DLG2: variants seen among roughly 807,000 people sequenced by gnomAD.
The protein encoded by DLG2 is disks large homolog 2.
In DLG2, 45 loss-of-function variants were observed where a neutral mutation model predicts 132.5. That is an observed-to-expected ratio of 0.34 (90% CI 0.27 to 0.44). The LOEUF (loss-of-function observed/expected upper bound fraction) is 0.44, where lower values mean the gene tolerates loss of function less well. DLG2 is among the 20% of genes least tolerant of loss of function. The pLI, the probability that DLG2 is intolerant of heterozygous loss-of-function variation, is 1.00. For synonymous variants in DLG2, 424 were observed against 419.6 expected (o/e 1.01, Z -0.13); for missense variants, 1,045 against 1,196.9 (o/e 0.87, Z 1.87).
rs1258433433 is a variant in DLG2, at chr11:85,214,204, C to T, written c.187-59553G>A. Among the ~76,000 whole-genome samples, 4 of 152,146 alleles carry T rather than the reference C, an allele frequency of 2.6e-5. No homozygotes were observed. In the South Asian group the frequency reaches 6.2e-4, roughly 24 times the overall value. ...TCTACGGTCTACCCTCTCCTTTCAG[C>T]TGCTACTTTTTTCTCTATAGCTCAA... On this transcript the variant is annotated intron_variant, in intron 4 of 27. Coordinates refer to ENST00000376104, the MANE Select transcript of DLG2 (RefSeq NM_001142699.3).
chr11:85,406,866 G>C (rs879576447), intron 3 of DLG2, among the ~76,000 whole-genome samples: 2 of 151,766 alleles, frequency 1.3e-5, no homozygotes, highest in African/African-American at 4.8e-5. Flanking sequence ...AATAAAGGAA[G>C]GAAATGAAAA....
intron 6 of DLG2, among the ~76,000 whole-genome samples, chr11:84,889,482 C>T (rs901674237): frequency 2.0e-5 from 3 of 151,960 alleles, no homozygotes; most frequent in African/African-American, 7.2e-5. Context: ...GTCAGTATTC[C>T]TACAAACAAC....
At chr11:83,483,530 G>T (rs2093293929) in intron 22 of DLG2, among the ~76,000 whole-genome samples, 1 of 151,960 alleles carries the variant, frequency 6.6e-6, no homozygotes, top group Non-Finnish European at 1.5e-5. Flanking sequence ...ACAAAAGATT[G>T]TAAGAAAAAA....
intron 2 of DLG2, among the ~76,000 whole-genome samples, chr11:85,602,433 T>A (rs997724303): frequency 2.8e-4 from 43 of 152,198 alleles, no homozygotes; most frequent in Admixed American, 8.5e-4. Context: ...GTTTTGTTTT[T>A]TGTTTTCTTT....
intron 20 of DLG2, among the ~76,000 whole-genome samples, chr11:83,538,477 T>A (rs1337957788): frequency 6.6e-6 from 1 of 152,214 alleles, no homozygotes; most frequent in Non-Finnish European, 1.5e-5. Flanking sequence ...ATTATCTGAC[T>A]TTCTATTTCC....
At chr11:85,514,140 A>T (rs750066026) in intron 3 of DLG2, among the ~76,000 whole-genome samples, 3 of 151,992 alleles carry the variant, frequency 2.0e-5, no homozygotes, top group Non-Finnish European at 4.4e-5. Context: ...AATTATAGGT[A>T]TCATTTCCTG....
intron 7 of DLG2, among the ~76,000 whole-genome samples, chr11:84,419,523 A>G (rs2098941316): frequency 6.6e-6 from 1 of 152,222 alleles, no homozygotes; most frequent in South Asian, 2.1e-4. Context: ...AAGCCCTTCC[A>G]TTAAAAACAC....
chr11:84,626,371 A>G (rs2099622534), intron 6 of DLG2, among the ~76,000 whole-genome samples: 1 of 152,144 alleles, frequency 6.6e-6, no homozygotes, highest in African/African-American at 2.4e-5. Context: ...GAGGGAAGCC[A>G]TGGGTAGCTT....
intron 8 of DLG2, chr11:84,166,752 A>C: frequency 2.9e-6 from 1 of 346,246 alleles, no homozygotes; most frequent in Non-Finnish European, 5.8e-6. Context: ...CTCACTCAGC[A>C]AAACCAAAAC....
Position 85,282,235 on chromosome 11 carries a change from A to G in DLG2, c.186+2985T>C, listed in dbSNP as rs187380980. Among the ~76,000 whole-genome samples, 4 of 151,918 alleles carry G rather than the reference A, an allele frequency of 2.6e-5. No homozygotes were observed. In the East Asian group the frequency reaches 7.7e-4, roughly 29 times the overall value. ...GGTAATGGGCAGGGGAGAATAAAGAAGAGATGGATAATGGGTACAAAAATA... is the reference window on the plus strand; with the variant it reads ...GGTAATGGGCAGGGGAGAATAAAGAGGAGATGGATAATGGGTACAAAAATA... On this transcript the variant is annotated intron_variant, in intron 4 of 27. Coordinates refer to ENST00000376104, the MANE Select transcript of DLG2 (RefSeq NM_001142699.3).
chr11:83,719,653 G>A (rs923627510), intron 18 of DLG2, among the ~76,000 whole-genome samples: 2 of 152,104 alleles, frequency 1.3e-5, no homozygotes, highest in African/African-American at 2.4e-5. Flanking sequence ...CCCAGGGAGG[G>A]CATTAATCTA....
intron 18 of DLG2, among the ~76,000 whole-genome samples, chr11:83,689,087 C>T (rs982773293): frequency 6.6e-6 from 1 of 152,126 alleles, no homozygotes. Context: ...TAGCTAACTA[C>T]ACAGCTGCAT....
chr11:85,521,951 C>T (rs961970502), intron 3 of DLG2, among the ~76,000 whole-genome samples: 4 of 152,028 alleles, frequency 2.6e-5, no homozygotes, highest in Non-Finnish European at 5.9e-5. Context: ...AAAAAAAATT[C>T]TGGGGAGAAA....
intron 7 of DLG2, among the ~76,000 whole-genome samples, chr11:84,421,893 T>C (rs1386328001): frequency 6.6e-6 from 1 of 152,202 alleles, no homozygotes; most frequent in African/African-American, 2.4e-5. Flanking sequence ...AAACTTCTTA[T>C]GTTAAGTATT....
At chr11:84,987,277 G>A (rs1039365442) in intron 6 of DLG2, among the ~76,000 whole-genome samples, 9 of 151,968 alleles carry the variant, frequency 5.9e-5, no homozygotes, top group Admixed American at 5.9e-4. Flanking sequence ...ACCAACAAAT[G>A]GAAACACATC....
chr11:84,385,617 G>C (rs1045854502), intron 7 of DLG2, among the ~76,000 whole-genome samples: 7 of 152,008 alleles, frequency 4.6e-5, no homozygotes, highest in Admixed American at 3.3e-4. Flanking sequence ...AGAGAACCAG[G>C]ACCCTGTTGT....
chr11:84,131,458 C>T (rs991192066), intron 9 of DLG2, among the ~76,000 whole-genome samples: 10 of 151,896 alleles, frequency 6.6e-5, no homozygotes, highest in African/African-American at 1.2e-4. Context: ...TCTATTTTTT[C>T]GTGTTCCTAC....
At chr11:84,790,687 T>A (rs1038204182) in intron 6 of DLG2, among the ~76,000 whole-genome samples, 3 of 152,184 alleles carry the variant, frequency 2.0e-5, no homozygotes, top group African/African-American at 7.2e-5. Context: ...GGGTTTCCCT[T>A]ATGTTTCCTT....
At chr11:83,608,166 T>C (rs567025143) in intron 19 of DLG2, among the ~76,000 whole-genome samples, 3 of 152,216 alleles carry the variant, frequency 2.0e-5, no homozygotes, top group Admixed American at 2.0e-4. Flanking sequence ...AAGTTGAAAA[T>C]ATCAGTAAGT....
Sources: allele counts gnomAD v4.1 joint callset (sites outside exome capture counted in the v4.1 genomes callset), GRCh38; gene constraint gnomAD v4.1.1; transcripts MANE v1.5; gene names NCBI Gene and HGNC (gene_info 2026-07-23, HGNC 2026-07-21).